The following OSBPL10 variants were observed in gnomAD, a reference collection of about 807,000 sequenced individuals.
OSBPL10 encodes oxysterol binding protein like 10.
OSBPL10 carries 49 observed loss-of-function variants against 81.7 expected under a neutral mutation model. That is an observed-to-expected ratio of 0.60 (90% CI 0.48 to 0.76). The LOEUF is 0.76. Among genes scored for constraint, OSBPL10 ranks in the 30% least tolerant of loss-of-function variants. The pLI, the probability that OSBPL10 is intolerant of heterozygous loss-of-function variation, is 0.00. For synonymous variants in OSBPL10, 419 were observed against 383.6 expected, an observed-to-expected ratio of 1.09 and a Z score of -1.08; for missense variants, 923 against 987.8, an observed-to-expected ratio of 0.93 and a Z score of 0.88.
intron 3 of OSBPL10, among the ~76,000 whole-genome samples, chr3:31,866,196 GA>G (rs1411621405): frequency 1.3e-5 from 2 of 152,140 alleles, no homozygotes; most frequent in African/African-American, 4.8e-5. Flanking sequence ...GCTATGGATA[GA>G]ATTCCCCACT....
chr3:31,905,610 A>C (rs1363496542), intron 1 of OSBPL10, among the ~76,000 whole-genome samples: 1 of 152,052 alleles, frequency 6.6e-6, no homozygotes, highest in Non-Finnish European at 1.5e-5. Context: ...TCAGCCTCCC[A>C]AAGTGCTGGG....
intron 1 of OSBPL10, among the ~76,000 whole-genome samples, chr3:32,068,148 T>G (rs1302480246): frequency 6.6e-6 from 1 of 152,206 alleles, no homozygotes; most frequent in Non-Finnish European, 1.5e-5. Flanking sequence ...TCCAGTTGTT[T>G]TCCTCTCTAG....
intron 7 of OSBPL10, among the ~76,000 whole-genome samples, chr3:31,690,900 A>G (rs1182794158): frequency 7.2e-6 from 1 of 139,236 alleles, no homozygotes; most frequent in Non-Finnish European, 1.6e-5. Context: ...CTCTCCTACA[A>G]TCTCCTGGGC....
At chr3:32,028,643 A>G (rs975489665) in intron 2 of OSBPL10, among the ~76,000 whole-genome samples, 3 of 152,128 alleles carry the variant, frequency 2.0e-5, no homozygotes, top group Non-Finnish European at 4.4e-5. Flanking sequence ...TGGGTTTTAC[A>G]TTTTATGCTC....
intron 1 of OSBPL10, among the ~76,000 whole-genome samples, chr3:31,905,694 G>A (rs933728977): frequency 6.6e-6 from 1 of 151,950 alleles, no homozygotes; most frequent in African/African-American, 2.4e-5. Flanking sequence ...TTAAGGCCTA[G>A]TGAGAGAGGA....
intron 3 of OSBPL10, among the ~76,000 whole-genome samples, chr3:31,851,103 C>T (rs1700754207): frequency 6.6e-6 from 1 of 152,212 alleles, no homozygotes; most frequent in South Asian, 2.1e-4. Context: ...GTCTTTTTCT[C>T]ATTTCAAATG....
chr3:31,955,725 T>C (rs1231988749), intron 1 of OSBPL10, among the ~76,000 whole-genome samples: 1 of 152,212 alleles, frequency 6.6e-6, no homozygotes, highest in African/African-American at 2.4e-5. Flanking sequence ...TTCAGTGCCA[T>C]CTAGCAGCTT....
At chr3:31,747,255 C>A (rs1270364223) in intron 5 of OSBPL10, among the ~76,000 whole-genome samples, 1 of 151,312 alleles carries the variant, frequency 6.6e-6, no homozygotes, top group African/African-American at 2.4e-5. Flanking sequence ...GAGGCGGAGG[C>A]TGTAGTGAGC....
intron 4 of OSBPL10, among the ~76,000 whole-genome samples, chr3:31,757,347 T>G (rs1246373908): frequency 6.6e-6 from 1 of 151,996 alleles, no homozygotes; most frequent in African/African-American, 2.4e-5. Flanking sequence ...ACCTGTAAAT[T>G]CCAGCACTTT....
At chr3:31,671,031 G>A in intron 8 of OSBPL10, 48 bp from the exon 9 acceptor site, 1 of 1,499,906 alleles carries the variant, frequency 6.7e-7, no homozygotes, top group East Asian at 2.3e-5. Flanking sequence ...ATGTGAAGAG[G>A]GCACTGGGGA....
intron 1 of OSBPL10, among the ~76,000 whole-genome samples, chr3:31,960,546 G>A (rs188676101): frequency 2.3e-4 from 35 of 152,240 alleles, no homozygotes; most frequent in Non-Finnish European, 7.4e-5. Context: ...AGAAAGCAAG[G>A]CTAAAATGGA....
intron 1 of OSBPL10, among the ~76,000 whole-genome samples, chr3:31,927,265 C>T (rs548350761): frequency 1.5e-4 from 23 of 152,226 alleles, no homozygotes; most frequent in African/African-American, 3.4e-4. Context: ...GAAAAACAAG[C>T]GTCACTATTA....
At chr3:31,799,188 C>T (rs184227637) in intron 4 of OSBPL10, among the ~76,000 whole-genome samples, 268 of 151,716 alleles carry the variant, frequency 1.8e-3, no homozygotes, top group Non-Finnish European at 1.8e-3. Context: ...GTCTGCCAAG[C>T]ATTTTCCCTC....
At position 32,062,430 on chromosome 3, in the gene OSBPL10, C is replaced by T. The variant is rs960526981; in HGVS notation, n.185+14966G>A. On this transcript the variant is annotated intron_variant and non_coding_transcript_variant, in intron 1 of 3. Transcript: ENST00000479173. ...TGTTTATATGGCTATGTTTGTATGG[C>T]CCAGTATGTTTGTATGGCTATGGTA... is the stretch of plus-strand genomic sequence containing the variant. 2.1e-5 allele frequency among the ~76,000 whole-genome samples: 2 copies of T among 94,106 alleles called. 1 individual carries two copies. The highest frequency in any genetic ancestry group is 4.9e-4 in the East Asian group (2 of 4,082). 61.7% of individuals were successfully genotyped at this position (94,106 alleles called of 152,430 possible).
intron 3 of OSBPL10, among the ~76,000 whole-genome samples, chr3:31,852,238 TGAC>T (rs1700786517): frequency 1.3e-5 from 2 of 152,064 alleles, no homozygotes; most frequent in Non-Finnish European, 2.9e-5. Context: ...TCAATGAGGG[TGAC>T]TGTGCTCCTT....
chr3:31,888,270 A>G (rs1474200139), intron 1 of OSBPL10, among the ~76,000 whole-genome samples: 1 of 152,242 alleles, frequency 6.6e-6, no homozygotes, highest in African/African-American at 2.4e-5. Flanking sequence ...CTGGATATCC[A>G]TATGCAGAAG....
In OSBPL10 at chr3:31,807,305, G is replaced by A. The variant is rs542851246; in HGVS notation, c.729+22735C>T. ...TGGGAATTGCTTGAACCCAGGAGGTGTAGGCTGCAGTGAGCAGAGATCGTG... is the reference window on the plus strand; with the variant it reads ...TGGGAATTGCTTGAACCCAGGAGGTATAGGCTGCAGTGAGCAGAGATCGTG... On this transcript the variant is annotated intron_variant, in intron 4 of 11. Coordinates refer to ENST00000396556, the MANE Select transcript of OSBPL10 (RefSeq NM_017784.5). 2.0e-3 allele frequency among the ~76,000 whole-genome samples: 300 copies of A among 152,204 alleles called. 3 individuals carry two copies. Among genetic ancestry groups the A allele is most frequent in the African/African-American group, 6.8e-3 (284 of 41,534 alleles).
chr3:32,059,457 G>C (rs1388369600), intron 1 of OSBPL10, among the ~76,000 whole-genome samples: 2 of 151,732 alleles, frequency 1.3e-5, no homozygotes, highest in African/African-American at 2.4e-5. Flanking sequence ...CAGGCGTGGT[G>C]GTGGGCACCT....
intron 3 of OSBPL10, among the ~76,000 whole-genome samples, chr3:31,840,142 G>A (rs557893845): frequency 9.9e-5 from 15 of 152,008 alleles, no homozygotes; most frequent in South Asian, 6.2e-4. Flanking sequence ...AACAAAAGGC[G>A]AGTGCGTGCT....
Sources: allele counts gnomAD v4.1 joint callset (sites outside exome capture counted in the v4.1 genomes callset), GRCh38; gene constraint gnomAD v4.1.1; transcripts MANE v1.5; gene names NCBI Gene and HGNC (gene_info 2026-07-23, HGNC 2026-07-21).